RAI1: variants seen among roughly 807,000 people sequenced by gnomAD.
RAI1 encodes the protein retinoic acid induced 1.
RAI1 carries 9 observed loss-of-function variants against 123.8 expected under a neutral mutation model. That is an observed-to-expected ratio of 0.07 (90% CI 0.04 to 0.13). RAI1 has a LOEUF of 0.13. Among genes scored for constraint, RAI1 ranks in the 10% least tolerant of loss-of-function variants. RAI1 has a pLI of 1.00. For missense variants in RAI1, 2,256 were observed against 2,545.8 expected (o/e 0.89, Z 2.45); for synonymous variants, 1,231 against 1,127.3 (o/e 1.09, Z -1.84).
At chr17:17,773,391 C>G (rs1309852560) in intron 2 of RAI1, among the ~76,000 whole-genome samples, 1 of 152,098 alleles carries the variant, frequency 6.6e-6, no homozygotes, top group Non-Finnish European at 1.5e-5. Flanking sequence ...CCCAAGGGCT[C>G]CCTTCTTCAG....
Position 17,795,601 on chromosome 17 carries a change from C to T in RAI1, c.2653C>T (p.Pro885Ser). 1 of 1,613,056 alleles carries T rather than the reference C, an allele frequency of 6.2e-7. No homozygotes were observed. The highest frequency in any genetic ancestry group is 8.5e-7 in the Non-Finnish European group (1 of 1,179,772). ...GCTCCTGGGCAGCCCCGAGCAGAGG[C>T]CTGGCATGCAGGACCCGCTGTCACC... ...CELLGSPEQRPGMQDPLSPKA... is the reference protein window; with the variant it reads ...CELLGSPEQRSGMQDPLSPKA... The change falls in exon 3 of 6, where the codon CCT becomes TCT. Residue 885 changes from proline (P) to serine (S), a missense_variant. Coordinates refer to ENST00000353383, the MANE Select transcript of RAI1 (RefSeq NM_030665.4). The surrounding 1 kb of genome is among the most constrained non-coding windows in gnomAD (Gnocchi z 5.9).
Position 17,794,525 on chromosome 17 carries a change from A to C in RAI1, c.1577A>C (p.Glu526Ala). ...DYLSGSEDPL[E>A]RSFLYCNQAR... The stretch of plus-strand genomic sequence containing the variant: ...CTGAGCGGCTCCGAGGACCCACTGG[A>C]GCGCAGCTTCCTCTACTGCAACCAG... Residue 526 changes from glutamate (E) to alanine (A), a missense_variant, in exon 3 of 6, where the codon GAG becomes GCG. By Grantham distance (107) the Glu-to-Ala change is moderately radical (BLOSUM62 -1). Transcript: ENST00000353383. 9.9e-6 allele frequency: 16 copies of C among 1,612,786 alleles called. No individual in the cohort carries two copies. The highest frequency in any genetic ancestry group is 1.4e-5 in the Non-Finnish European group (16 of 1,179,870).
In RAI1 at chr17:17,808,559, C is replaced by T. The variant is rs201649280; in HGVS notation, c.5660-831C>T. On this transcript the variant is annotated intron_variant, in intron 4 of 5. Transcript: ENST00000353383. The stretch of plus-strand genomic sequence containing the variant: ...GCCTCCCAGGCTCAAGTGATCCTCC[C>T]GCCCCAGCCTCTCGAGTAGCTGGGA... Among the ~76,000 whole-genome samples the T allele has an allele frequency of 9.8e-4, 149 of 151,996 alleles. 3 individuals are homozygous for T. The East Asian group carries it at 0.026, about 27-fold the overall frequency.
chr17:17,754,318 C>T (rs1186170398), intron 2 of RAI1, among the ~76,000 whole-genome samples: 1 of 150,912 alleles, frequency 6.6e-6, no homozygotes, highest in Non-Finnish European at 1.5e-5. Flanking sequence ...AGTTCTCCTG[C>T]CTCAGCCCCC....
Position 17,796,109 on chromosome 17 carries a change from G to T in RAI1, c.3161G>T (p.Arg1054Met). 1 of 1,585,134 alleles carries T rather than the reference G, an allele frequency of 6.3e-7. No individual in the cohort carries two copies. Among genetic ancestry groups the T allele is most frequent in the Non-Finnish European group, 8.6e-7 (1 of 1,165,716 alleles). ...PGRGASEGLP[R>M]MCTRSLTALS... ...CGGGGGGCCTCGGAAGGGCTCCCCA[G>T]GATGTGTACTCGTTCTCTCACGGCC... The change falls in exon 3 of 6, where the codon AGG becomes ATG. Residue 1054 changes from arginine (R) to methionine (M), a missense_variant. Around this residue, in one of 7 missense-constraint regions of RAI1, gnomAD observed 566 missense variants for 616.0 expected, o/e 0.92. Coordinates refer to ENST00000353383, the MANE Select transcript of RAI1 (RefSeq NM_030665.4). The surrounding 1 kb of genome is among the most constrained non-coding windows in gnomAD (Gnocchi z 5.8).
At position 17,796,905 on chromosome 17, in the gene RAI1, G is replaced by A; in HGVS notation, c.3957G>A (p.Leu1319=). 6.2e-7 allele frequency: 1 copy of A among 1,613,358 alleles called. No homozygotes were observed. The highest frequency in any genetic ancestry group is 8.5e-7 in the Non-Finnish European group (1 of 1,180,032). ...AGGGGGCCATGAAGACCAAGGTGCT[G>A]CCACCCCGGAAGGGCCGGGGCCTGA... is the stretch of plus-strand genomic sequence containing the variant. ...AFQGAMKTKV[L]PPRKGRGLKL... Residue 1319 remains leucine, a synonymous_variant, in exon 3 of 6, where the codon CTG becomes CTA. Coordinates refer to ENST00000353383, the MANE Select transcript of RAI1 (RefSeq NM_030665.4). This position sits in a 1 kb window ranked among gnomAD's most constrained non-coding sequence, Gnocchi z 5.8.
intron 2 of RAI1, among the ~76,000 whole-genome samples, chr17:17,783,388 G>A (rs2031685314): frequency 6.6e-6 from 1 of 152,140 alleles, no homozygotes; most frequent in Non-Finnish European, 1.5e-5. Context: ...TTTCCGGATT[G>A]GCGCAGAGGC....
chr17:17,725,291 A>G (rs1281849134), intron 2 of RAI1, among the ~76,000 whole-genome samples: 1 of 152,082 alleles, frequency 6.6e-6, no homozygotes, highest in African/African-American at 2.4e-5. Context: ...GCGGGCTGAA[A>G]GAGGTGATCC....
At chr17:17,703,940 T>G (rs1410641933) in intron 1 of RAI1, among the ~76,000 whole-genome samples, 1 of 152,228 alleles carries the variant, frequency 6.6e-6, no homozygotes, top group Non-Finnish European at 1.5e-5. Context: ...GAGCATGGTC[T>G]TCCCTCACTC....
intron 2 of RAI1, among the ~76,000 whole-genome samples, chr17:17,775,571 TAGTCTTACAATAC>T (rs1357596092): frequency 7.3e-6 from 1 of 136,878 alleles, no homozygotes; most frequent in Non-Finnish European, 1.6e-5. Context: ...TTATTTACTG[TAGTCTTACAATAC>T]AGTAAACTAA....
chr17:17,767,340 G>A (rs889960599), intron 2 of RAI1, among the ~76,000 whole-genome samples: 1 of 151,614 alleles, frequency 6.6e-6, no homozygotes, highest in Non-Finnish European at 1.5e-5. Flanking sequence ...CCAGAATTTG[G>A]TTCTACAAAT....
At position 17,800,180 on chromosome 17, in the gene RAI1, G is replaced by GTCTCTCTCTCTCTCTCTCTC. The variant is rs58147049; in HGVS notation, c.5565+1696_5565+1715dup. On this transcript the variant is annotated intron_variant, in intron 3 of 5. Coordinates refer to ENST00000353383, the MANE Select transcript of RAI1 (RefSeq NM_030665.4). This position sits in a 1 kb window ranked among gnomAD's most constrained non-coding sequence, Gnocchi z 4.7. ...TCTCTCCTGCTTTCTGTCTCTCTCTGTCTCTCTCTCTCTCTCTCTCTCTCT... is the reference window on the plus strand; with the variant it reads ...TCTCTCCTGCTTTCTGTCTCTCTCTGTCTCTCTCTCTCTCTCTCTCTCTCTCTCTCTCTCTCTCTCTCTCT... Among the ~76,000 whole-genome samples, 39 of 116,368 alleles carry GTCTCTCTCTCTCTCTCTCTC rather than the reference G, an allele frequency of 3.4e-4. 2 individuals carry two copies. Among genetic ancestry groups the GTCTCTCTCTCTCTCTCTCTC allele is most frequent in the African/African-American group, 7.8e-4 (26 of 33,428 alleles). The allele number at this position is 116,368 out of a possible 152,430, so 76.3% of individuals were successfully genotyped here. A position where few individuals can be genotyped will look rare whatever the true frequency, so the allele number is the denominator to read the frequency against.
intron 1 of RAI1, among the ~76,000 whole-genome samples, chr17:17,682,238 T>G (rs997516591): frequency 1.3e-5 from 2 of 151,714 alleles, no homozygotes; most frequent in African/African-American, 4.8e-5. Context: ...GGAGCTGACT[T>G]CCCCATGCGT....
chr17:17,807,367 C>T (rs1429509257), intron 4 of RAI1, among the ~76,000 whole-genome samples: 3 of 152,144 alleles, frequency 2.0e-5, no homozygotes, highest in Non-Finnish European at 4.4e-5. Flanking sequence ...GACTGCAGGG[C>T]ACCAGGGCTG....
chr17:17,739,692 C>G (rs1407450830), intron 2 of RAI1, among the ~76,000 whole-genome samples: 1 of 152,240 alleles, frequency 6.6e-6, no homozygotes, highest in Non-Finnish European at 1.5e-5. Flanking sequence ...CCATCCCTAC[C>G]TCCACTCCTT....
chr17:17,796,962 G>A lies in RAI1; in HGVS notation c.4014G>A (p.Ser1338=), dbSNP rs763597642. ...AAGCCATCGTGCAGAAGATCACCTC[G>A]CCCAGCCTCAAGAAGTTCGCATGTA... is the stretch of plus-strand genomic sequence containing the variant. ...KLEAIVQKIT[S]PSLKKFACKA... Residue 1338 remains serine, a synonymous_variant, in exon 3 of 6, where the codon TCG becomes TCA. Coordinates refer to ENST00000353383, the MANE Select transcript of RAI1 (RefSeq NM_030665.4). The surrounding 1 kb of genome is among the most constrained non-coding windows in gnomAD (Gnocchi z 5.8). 22 of 1,613,578 alleles carry A rather than the reference G, an allele frequency of 1.4e-5. No homozygotes were observed. The highest frequency in any genetic ancestry group is 1.1e-4 in the South Asian group (10 of 91,082).
chr17:17,773,093 A>ATGGATGGATGGG (rs1486921712), intron 2 of RAI1, among the ~76,000 whole-genome samples: 1 of 120,936 alleles, frequency 8.3e-6, no homozygotes, highest in African/African-American at 3.3e-5. Context: ...GGATGGATGG[A>ATGGATGGATGGG]TGGGTGGGTG....
intron 1 of RAI1, among the ~76,000 whole-genome samples, chr17:17,716,619 A>G (rs1915722245): frequency 6.6e-6 from 1 of 152,050 alleles, no homozygotes; most frequent in Non-Finnish European, 1.5e-5. Context: ...CTGAGTGCAC[A>G]TTGTATGGAG....
At chr17:17,709,327 G>A (rs1197002604) in intron 1 of RAI1, among the ~76,000 whole-genome samples, 2 of 152,112 alleles carry the variant, frequency 1.3e-5, no homozygotes, top group Non-Finnish European at 2.9e-5. Flanking sequence ...ATCAAGGGGC[G>A]ATACTCAGGC....
Sources: gnomAD v4.1 joint callset for allele counts (sites outside exome capture counted in the v4.1 genomes callset) on GRCh38, gnomAD v4.1.1 for gene constraint, gnomAD v4.1.1 regional missense constraint, Gnocchi (gnomAD v3.1) non-coding constraint, MANE v1.5 for transcripts, NCBI Gene and HGNC (gene_info 2026-07-23, HGNC 2026-07-21) for gene names.